UBE2K: variants seen among roughly 807,000 people sequenced by gnomAD.
UBE2K encodes the protein ubiquitin-conjugating enzyme E2 K.
Under a neutral mutation model 30.0 loss-of-function variants are expected in UBE2K, and 6 were observed. The ratio of observed to expected loss-of-function variants is 0.20; its 90% CI spans 0.11 to 0.39. The LOEUF is 0.39. Ranked by LOEUF, UBE2K falls within the 10% of genes least tolerant of loss-of-function variation. The pLI is 1.00. For missense variants in UBE2K, 61 were observed against 241.6 expected (o/e 0.25, Z 4.96); for synonymous variants, 86 against 83.7 (o/e 1.03, Z -0.15).
chr4:39,714,550 A>ATGTTTTTTTTTT lies in UBE2K; in HGVS notation c.63+16161_63+16162insGTTTTTTTTTTT. The stretch of plus-strand genomic sequence containing the variant: ...TATATATATATATATATATATATAT[A>ATGTTTTTTTTTT]TTTTTTTTTTTTTTTAAGACTGAGT... On this transcript the variant is annotated intron_variant, in intron 1 of 6. Transcript: ENST00000261427. 1.1e-4 allele frequency: 2 copies of ATGTTTTTTTTTT among 17,844 alleles called. 1 individual carries two copies. The highest frequency in any genetic ancestry group is 4.9e-4 in the African/African-American group (2 of 4,054). 1.1% of individuals were successfully genotyped at this position (17,844 alleles called of 1,614,324 possible). A position where few individuals can be genotyped will look rare whatever the true frequency, so the allele number is the denominator to read the frequency against.
In UBE2K at chr4:39,780,737, T is replaced by G. The variant is rs1271254478; in HGVS notation, c.*2303T>G. 6.6e-6 allele frequency: 1 copy of G among 152,138 alleles called. No individual in the cohort carries two copies. Among genetic ancestry groups the G allele is most frequent in the Non-Finnish European group, 1.5e-5 (1 of 67,982 alleles). 9.4% of individuals were successfully genotyped at this position (152,138 alleles called of 1,614,324 possible). ...CCACTGTACTGTTTGGTTTTTGTTA[T>G]TCTCTTGTCTGTGGGTAGATTTAGT... On this transcript the variant is annotated 3_prime_UTR_variant, in exon 7 of 7. Transcript: ENST00000261427.
chr4:39,759,563 C>T (rs977166793), intron 4 of UBE2K, among the ~76,000 whole-genome samples: 4 of 152,194 alleles, frequency 2.6e-5, no homozygotes, highest in African/African-American at 7.2e-5. Context: ...CAATGACAGG[C>T]GTGAGCCACT....
In UBE2K at chr4:39,762,184, A is replaced by AAATAATAATAATAAT. The variant is rs138206643; in HGVS notation, c.299+6457_299+6471dup. Among the ~76,000 whole-genome samples, 992 of 143,858 alleles carry AAATAATAATAATAAT rather than the reference A, an allele frequency of 6.9e-3. 13 individuals are homozygous for AAATAATAATAATAAT. Among genetic ancestry groups the AAATAATAATAATAAT allele is most frequent in the African/African-American group, 0.024 (941 of 39,194 alleles). 94.4% of individuals were successfully genotyped at this position (143,858 alleles called of 152,430 possible). On this transcript the variant is annotated intron_variant, in intron 4 of 6. Transcript: ENST00000261427. ...ACAGAGCGAGACTCCCATCTCAGTA[A>AAATAATAATAATAAT]AATAATAATAATAATAATAATAATA...
intron 1 of UBE2K, among the ~76,000 whole-genome samples, chr4:39,728,865 C>CAA (rs1468157550): frequency 2.2e-5 from 3 of 135,896 alleles, no homozygotes; most frequent in African/African-American, 8.2e-5. Flanking sequence ...GACGGGGTTT[C>CAA]ACTGTGTTAG....
intron 1 of UBE2K, among the ~76,000 whole-genome samples, chr4:39,718,286 G>A (rs1248816264): frequency 3.9e-5 from 6 of 152,204 alleles, no homozygotes; most frequent in Non-Finnish European, 7.3e-5. Context: ...GATACAGAGT[G>A]TCGATTGCTG....
chr4:39,716,376 T>C (rs1578427933), intron 1 of UBE2K, among the ~76,000 whole-genome samples: 1 of 152,302 alleles, frequency 6.6e-6, no homozygotes, highest in East Asian at 1.9e-4. Flanking sequence ...GCCTCCCAAG[T>C]AGCTGGCATT....
chr4:39,754,631 C>T (rs1721435216), intron 3 of UBE2K, among the ~76,000 whole-genome samples: 1 of 152,080 alleles, frequency 6.6e-6, no homozygotes, highest in Non-Finnish European at 1.5e-5. Flanking sequence ...TGCCTCAGCT[C>T]CCTAGTAGCT....
At chr4:39,758,876 A>C (rs1482272404) in intron 4 of UBE2K, among the ~76,000 whole-genome samples, 1 of 152,318 alleles carries the variant, frequency 6.6e-6, no homozygotes, top group East Asian at 1.9e-4. Flanking sequence ...TATGATGTGC[A>C]GGAACAAAAC....
At chr4:39,775,998 A>ATCTGTACTGATGTTAGTACC (rs1713264129) in intron 5 of UBE2K, among the ~76,000 whole-genome samples, 1 of 152,178 alleles carries the variant, frequency 6.6e-6, no homozygotes, top group Admixed American at 6.5e-5. Flanking sequence ...GGATGATCAT[A>ATCTGTACTGATGTTAGTACC]TCTGTACTGA....
chr4:39,717,442 G>T (rs1371348722), intron 1 of UBE2K, among the ~76,000 whole-genome samples: 1 of 151,906 alleles, frequency 6.6e-6, no homozygotes, highest in African/African-American at 2.4e-5. Flanking sequence ...CGTTGATCAG[G>T]CTGGTCTTGA....
chr4:39,717,265 G>A (rs534525951), intron 1 of UBE2K, among the ~76,000 whole-genome samples: 4 of 145,614 alleles, frequency 2.7e-5, no homozygotes, highest in African/African-American at 5.1e-5. Flanking sequence ...ATGGACTCTC[G>A]CTATATCGCC....
intron 3 of UBE2K, among the ~76,000 whole-genome samples, chr4:39,748,224 T>A (rs2109363705): frequency 6.6e-6 from 1 of 152,256 alleles, no homozygotes; most frequent in Non-Finnish European, 1.5e-5. Context: ...CTCTCCCACC[T>A]CATCCCCACT....
chr4:39,700,494 T>C (rs1717948697), intron 1 of UBE2K, among the ~76,000 whole-genome samples: 1 of 152,176 alleles, frequency 6.6e-6, no homozygotes, highest in South Asian at 2.1e-4. Flanking sequence ...CATTTAATCT[T>C]GGAATAAATA....
chr4:39,733,418 C>T (rs1056025184), intron 1 of UBE2K, among the ~76,000 whole-genome samples: 3 of 149,786 alleles, frequency 2.0e-5, no homozygotes, highest in African/African-American at 7.4e-5. Flanking sequence ...CTGCAACCTC[C>T]ACCTCCCAAG....
intron 4 of UBE2K, among the ~76,000 whole-genome samples, chr4:39,760,193 C>CAAAAAAAAAAAAAAAAAAAAAAAAA (rs1560372489): frequency 2.9e-5 from 1 of 34,814 alleles, no homozygotes. Flanking sequence ...AAAAAAAAAA[C>CAAAAAAAAAAAAAAAAAAAAAAAAA]AGAAAAAAAA....
At chr4:39,722,112 A>G (rs1330801563) in intron 1 of UBE2K, among the ~76,000 whole-genome samples, 1 of 151,742 alleles carries the variant, frequency 6.6e-6, no homozygotes, top group Non-Finnish European at 1.5e-5. Context: ...CCAAACTTCT[A>G]TTTTTCAGTT....
intron 5 of UBE2K, among the ~76,000 whole-genome samples, chr4:39,775,802 A>AT (rs996016613): frequency 2.0e-4 from 30 of 148,816 alleles, no homozygotes; most frequent in African/African-American, 3.7e-4. Flanking sequence ...TATAATGGAC[A>AT]TTTTTTTTTT....
At chr4:39,737,350 T>A in intron 1 of UBE2K, 70 bp from the exon 2 acceptor site, 1 of 893,296 alleles carries the variant, frequency 1.1e-6, no homozygotes. Flanking sequence ...TTTCAAGATT[T>A]TTTATAGGTA....
intron 1 of UBE2K, among the ~76,000 whole-genome samples, chr4:39,705,462 G>T (rs1021963516): frequency 6.6e-6 from 1 of 151,992 alleles, no homozygotes; most frequent in East Asian, 1.9e-4. Flanking sequence ...GCCTCCCAAA[G>T]TGCTGGGATT....
Sources: allele counts gnomAD v4.1 joint callset (sites outside exome capture counted in the v4.1 genomes callset), GRCh38; gene constraint gnomAD v4.1.1; transcripts MANE v1.5; gene names NCBI Gene and HGNC (gene_info 2026-07-23, HGNC 2026-07-21).